Variants in ANO3 observed in about 807,000 individuals in gnomAD.
The protein encoded by ANO3 is anoctamin 3.
ANO3 carries 99 observed loss-of-function variants against 144.8 expected under a neutral mutation model. That is an observed-to-expected ratio of 0.68 (90% CI 0.58 to 0.81). The LOEUF is 0.81. Ranked by LOEUF, ANO3 falls within the 30% of genes least tolerant of loss-of-function variation. The pLI is 0.00. For missense variants in ANO3, 905 were observed against 1,202.2 expected, an observed-to-expected ratio of 0.75 and a Z score of 3.66; for synonymous variants, 414 against 392.6, an observed-to-expected ratio of 1.05 and a Z score of -0.64.
At chr11:26,291,497 C>T (rs933014074) in intron 1 of ANO3, among the ~76,000 whole-genome samples, 2 of 152,170 alleles carry the variant, frequency 1.3e-5, no homozygotes, top group Non-Finnish European at 2.9e-5. Flanking sequence ...CAGTTTCTTC[C>T]TAGCCTCGAT....
chr11:26,483,347 C>A (rs915474313), intron 4 of ANO3, among the ~76,000 whole-genome samples: 1 of 151,916 alleles, frequency 6.6e-6, no homozygotes, highest in African/African-American at 2.4e-5. Context: ...GTGTTCCCAC[C>A]CAAATCGCAT....
intron 1 of ANO3, among the ~76,000 whole-genome samples, chr11:26,319,635 T>C (rs1854711588): frequency 6.6e-6 from 1 of 152,204 alleles, no homozygotes; most frequent in Non-Finnish European, 1.5e-5. Context: ...CAATGTATGA[T>C]AAAATGCCTT....
In ANO3 at chr11:26,531,228, T is replaced by A; in HGVS notation, c.761T>A (p.Ile254Asn). ...MGRMQTYFRR[I>N]KNWMAQNPMV... ...AGGATGCAAACTTATTTTAGAAGAATCAAAAACTGGATGGCCCAAAACCCA... is the reference window on the plus strand; with the variant it reads ...AGGATGCAAACTTATTTTAGAAGAAACAAAAACTGGATGGCCCAAAACCCA... Residue 254 changes from isoleucine (I) to asparagine (N), a missense_variant, in exon 8 of 27, where the codon ATC (isoleucine) becomes AAC (asparagine). Coordinates refer to ENST00000256737, the MANE Select transcript of ANO3 (RefSeq NM_031418.4). 6.2e-7 allele frequency: 1 copy of A among 1,614,040 alleles called. No homozygotes were observed. The highest frequency in any genetic ancestry group is 8.5e-7 in the Non-Finnish European group (1 of 1,179,978).
intron 3 of ANO3, among the ~76,000 whole-genome samples, chr11:26,445,805 G>T (rs1858680497): frequency 6.6e-6 from 1 of 151,940 alleles, no homozygotes; most frequent in Admixed American, 6.6e-5. Context: ...GCATATCTAT[G>T]AGTGTTTTTT....
At chr11:26,449,957 T>C (rs979372957) in intron 3 of ANO3, among the ~76,000 whole-genome samples, 1 of 152,056 alleles carries the variant, frequency 6.6e-6, no homozygotes, top group Non-Finnish European at 1.5e-5. Flanking sequence ...GGTTTTACCA[T>C]GTTGGGCAGG....
chr11:26,202,300 ATAT>A (rs955841509), intron 1 of ANO3, among the ~76,000 whole-genome samples: 90 of 144,506 alleles, frequency 6.2e-4, no homozygotes, highest in Middle Eastern at 3.6e-3. Flanking sequence ...ATATAGATAC[ATAT>A]TATATATATC....
chr11:26,531,282 A>G lies in ANO3; in HGVS notation c.815A>G (p.Asp272Gly). The part of the protein sequence containing the change: ...PMVLDKSAFP[D>G]LEESDCYTGP... Reference sequence around the variant, plus strand: ...GTTCTTGACAAGTCAGCTTTTCCAGACCTAGAGGAGTCAGACTGCTATACT... The same window carrying G: ...GTTCTTGACAAGTCAGCTTTTCCAGGCCTAGAGGAGTCAGACTGCTATACT... Residue 272 changes from aspartate (D) to glycine (G), a missense_variant, in exon 8 of 27, where the codon GAC becomes GGC. Around this residue, in one of 4 missense-constraint regions of ANO3, gnomAD observed 71 missense variants for 57.9 expected, o/e 1.23. Coordinates refer to ENST00000256737, the MANE Select transcript of ANO3 (RefSeq NM_031418.4). 2 of 1,614,030 alleles carry G rather than the reference A, an allele frequency of 1.2e-6. No individual in the cohort carries two copies.
At chr11:26,609,778 T>G (rs950412500) in intron 17 of ANO3, among the ~76,000 whole-genome samples, 25 of 152,234 alleles carry the variant, frequency 1.6e-4, no homozygotes, top group African/African-American at 5.8e-4. Context: ...ATGGATCATA[T>G]AGTAATTCTA....
intron 4 of ANO3, among the ~76,000 whole-genome samples, chr11:26,500,366 A>G (rs1189238654): frequency 6.6e-6 from 1 of 152,072 alleles, no homozygotes; most frequent in Non-Finnish European, 1.5e-5. Context: ...TTAATACTAT[A>G]AGAAATTGCC....
intron 1 of ANO3, among the ~76,000 whole-genome samples, chr11:26,387,772 G>A (rs1437452659): frequency 6.6e-6 from 1 of 152,068 alleles, no homozygotes; most frequent in African/African-American, 2.4e-5. Context: ...TTAAATCAGG[G>A]ATGTTTCTCT....
At chr11:26,579,575 T>C (rs1261653960) in intron 14 of ANO3, among the ~76,000 whole-genome samples, 1 of 152,342 alleles carries the variant, frequency 6.6e-6, no homozygotes, top group African/African-American at 2.4e-5. Flanking sequence ...AAGCTGACAG[T>C]TCATACAAGC....
At chr11:26,478,902 C>T (rs925781029) in intron 4 of ANO3, among the ~76,000 whole-genome samples, 2 of 152,162 alleles carry the variant, frequency 1.3e-5, no homozygotes, top group Admixed American at 6.5e-5. Flanking sequence ...CTGCTTGTGC[C>T]GCTGGAGCAG....
chr11:26,227,967 C>T (rs1364774565), intron 1 of ANO3, among the ~76,000 whole-genome samples: 2 of 152,102 alleles, frequency 1.3e-5, no homozygotes, highest in African/African-American at 4.8e-5. Flanking sequence ...AAACTTAAGC[C>T]TACCTATTAA....
At chr11:26,244,825 A>G (rs1852746148) in intron 1 of ANO3, among the ~76,000 whole-genome samples, 1 of 152,132 alleles carries the variant, frequency 6.6e-6, no homozygotes, top group African/African-American at 2.4e-5. Context: ...TTATTATCAA[A>G]TATTTACTTC....
chr11:26,343,131 T>A (rs1294270671), intron 1 of ANO3, among the ~76,000 whole-genome samples: 2 of 152,188 alleles, frequency 1.3e-5, no homozygotes, highest in African/African-American at 4.8e-5. Flanking sequence ...TAGCTCCACA[T>A]GCCCCCCAAT....
intron 1 of ANO3, among the ~76,000 whole-genome samples, chr11:26,420,843 A>G (rs1328380885): frequency 6.6e-6 from 1 of 152,100 alleles, no homozygotes; most frequent in Non-Finnish European, 1.5e-5. Context: ...GTATTCTACC[A>G]GGACTCTCTT....
At chr11:26,648,769 TG>T (rs1157296996) in intron 24 of ANO3, among the ~76,000 whole-genome samples, 1 of 152,064 alleles carries the variant, frequency 6.6e-6, no homozygotes, top group Admixed American at 6.6e-5. Context: ...CAGCCTTAGG[TG>T]TGGAAGAAGC....
intron 1 of ANO3, among the ~76,000 whole-genome samples, chr11:26,209,467 T>C (rs1406285511): frequency 2.0e-5 from 3 of 152,248 alleles, no homozygotes; most frequent in East Asian, 3.8e-4. Flanking sequence ...TGTGCATGTG[T>C]CTTTATAGTA....
chr11:26,257,934 A>G (rs897625697), intron 1 of ANO3, among the ~76,000 whole-genome samples: 4 of 152,174 alleles, frequency 2.6e-5, no homozygotes, highest in Non-Finnish European at 5.9e-5. Context: ...AAAAATTTAC[A>G]TAGCTTTGAC....
Sources: allele counts gnomAD v4.1 joint callset (sites outside exome capture counted in the v4.1 genomes callset), GRCh38; gene constraint gnomAD v4.1.1; regional missense constraint gnomAD v4.1.1; transcripts MANE v1.5; gene names NCBI Gene and HGNC (gene_info 2026-07-23, HGNC 2026-07-21).